NDUFS1: variants seen among roughly 807,000 people sequenced by gnomAD.
NDUFS1 encodes NADH-ubiquinone oxidoreductase 75 kDa subunit, mitochondrial.
In NDUFS1, 61 loss-of-function variants were observed where a neutral mutation model predicts 84.4. The observed-to-expected ratio is 0.72, with a 90% confidence interval of 0.59 to 0.89. The LOEUF is 0.89. Among genes scored for constraint, NDUFS1 ranks in the 40% least tolerant of loss-of-function variants. The probability of loss-of-function intolerance (pLI) is 0.00; values close to 1 mark genes in which losing one functional copy is unlikely to be tolerated. For missense variants in NDUFS1, 891 were observed against 890.0 expected, an observed-to-expected ratio of 1.00 and a Z score of -0.01; for synonymous variants, 275 against 290.0, an observed-to-expected ratio of 0.95 and a Z score of 0.53.
chr2:206,133,944 C>T (rs1691611605), intron 13 of NDUFS1, among the ~76,000 whole-genome samples: 1 of 152,220 alleles, frequency 6.6e-6, no homozygotes. Context: ...TGTGCCACTG[C>T]ACTCCGTCTG....
chr2:206,154,952 G>T (rs1243307637), intron 1 of NDUFS1, among the ~76,000 whole-genome samples: 1 of 122,912 alleles, frequency 8.1e-6, no homozygotes, highest in African/African-American at 3.2e-5. Context: ...TTGAGATAGA[G>T]TCTTACTCTG....
At chr2:206,129,340 G>A (rs1331791477) in intron 15 of NDUFS1, among the ~76,000 whole-genome samples, 2 of 151,982 alleles carry the variant, frequency 1.3e-5, no homozygotes, top group Admixed American at 6.6e-5. Context: ...ATGGCTCATT[G>A]CAGCCTCAAA....
chr2:206,139,130 T>A lies in NDUFS1; in HGVS notation c.1263-516A>T, dbSNP rs866482655. On this transcript the variant is annotated intron_variant, in intron 12 of 18. Coordinates refer to ENST00000233190, the MANE Select transcript of NDUFS1 (RefSeq NM_005006.7). ...AAACTCCACCTCAAAATAAAAAATT[T>A]AAAAAAAAAAAAAAGAAAGAAATGC... Among the ~76,000 whole-genome samples the A allele has an allele frequency of 6.9e-3, 953 of 137,872 alleles. 3 individuals carry two copies. The highest frequency in any genetic ancestry group is 0.013 in the African/African-American group (508 of 37,940). The allele number at this position is 137,872 out of a possible 152,430, so 90.4% of individuals were successfully genotyped here.
chr2:206,138,730 AC>A, intron 12 of NDUFS1, 116 bp from the exon 13 acceptor site: 1 of 1,132,572 alleles, frequency 8.8e-7, no homozygotes, highest in Non-Finnish European at 1.3e-6. Context: ...CACAGACAAT[AC>A]ATTTAACAGA....
rs561017095 is a variant in NDUFS1 at position 206,116,183 on chromosome 2, C to T, written c.*8002G>A. The T allele has an allele frequency of 3.2e-5, 49 of 1,526,346 alleles. No individual in the cohort carries two copies. In the South Asian group the frequency reaches 5.2e-4, roughly 16 times the overall value. 94.6% of individuals were successfully genotyped at this position (1,526,346 alleles called of 1,614,324 possible). ...AAGTTCATCTAGTTATGAAGGGTTA[C>T]TCAGTGTCATCTTGATCAGCCAACC... On this transcript the variant is annotated 3_prime_UTR_variant, in exon 19 of 19. Coordinates refer to ENST00000233190, the MANE Select transcript of NDUFS1 (RefSeq NM_005006.7).
intron 4 of NDUFS1, 110 bp from the exon 5 acceptor site, chr2:206,149,206 A>G (rs1692277087): frequency 3.6e-6 from 3 of 828,806 alleles, no homozygotes; most frequent in African/African-American, 3.4e-5. Flanking sequence ...TATACATTTG[A>G]TAACAGGCAA....
chr2:206,121,890 T>C lies in NDUFS1; in HGVS notation c.*2295A>G, dbSNP rs1412918048. The stretch of plus-strand genomic sequence containing the variant: ...TTCTCTTACCCACAACCATATGAAG[T>C]CTACACATATTCATTAACAGTATTA... On this transcript the variant is annotated 3_prime_UTR_variant, in exon 19 of 19. Transcript: ENST00000233190. 2.6e-5 allele frequency: 4 copies of C among 152,148 alleles called. No homozygotes were observed. Among genetic ancestry groups the C allele is most frequent in the African/African-American group, 9.7e-5 (4 of 41,428 alleles). The allele number at this position is 152,148 out of a possible 1,614,324, so 9.4% of individuals were successfully genotyped here. A position where few individuals can be genotyped will look rare whatever the true frequency, so the allele number is the denominator to read the frequency against.
intron 14 of NDUFS1, 133 bp from the exon 15 acceptor site, chr2:206,130,375 G>A (rs975467015): frequency 1.9e-5 from 22 of 1,182,652 alleles, no homozygotes; most frequent in South Asian, 1.1e-4. Context: ...TTTTCTCGGC[G>A]ATAGAGTCTC....
At chr2:206,137,234 G>A (rs892322356) in intron 13 of NDUFS1, among the ~76,000 whole-genome samples, 4 of 152,132 alleles carry the variant, frequency 2.6e-5, no homozygotes, top group Non-Finnish European at 5.9e-5. Flanking sequence ...CCAGCACTTT[G>A]GGAGGCCAAG....
Position 206,114,940 on chromosome 2 carries a change from A to G in NDUFS1, c.*9245T>C, listed in dbSNP as rs567673027. On this transcript the variant is annotated 3_prime_UTR_variant, in exon 19 of 19. Transcript: ENST00000233190. Reference sequence around the variant, plus strand: ...TTATGTCCTTAATACATTCTGAAGCACTTTCCATATCAGCACGTTGAGATC... The same window carrying G: ...TTATGTCCTTAATACATTCTGAAGCGCTTTCCATATCAGCACGTTGAGATC... 6 of 152,318 alleles carry G rather than the reference A, an allele frequency of 3.9e-5. No homozygotes were observed. The South Asian group carries it at 1.2e-3, about 32-fold the overall frequency. The allele number at this position is 152,318 out of a possible 1,614,324, so 9.4% of individuals were successfully genotyped here. A position where few individuals can be genotyped will look rare whatever the true frequency, so the allele number is the denominator to read the frequency against.
At chr2:206,140,999 C>T (rs2105965230) in intron 12 of NDUFS1, among the ~76,000 whole-genome samples, 1 of 149,138 alleles carries the variant, frequency 6.7e-6, no homozygotes, top group South Asian at 2.1e-4. Context: ...ATCAGTTAAT[C>T]TATGTGAACA....
intron 12 of NDUFS1, among the ~76,000 whole-genome samples, chr2:206,140,943 T>TATATACACACACACACACAC (rs367723817): frequency 0.1 from 13,480 of 135,354 alleles, 736 homozygotes; most frequent in Middle Eastern, 0.15. Context: ...TATATATATA[T>TATATACACACACACACACAC]ACACACACAC....
chr2:206,144,193 G>A, intron 9 of NDUFS1, 61 bp from the exon 10 acceptor site: 1 of 1,273,862 alleles, frequency 7.9e-7, no homozygotes, highest in Non-Finnish European at 1.1e-6. Flanking sequence ...TAATTTTCAA[G>A]TTAAATCAAC....
chr2:206,126,984 G>A lies in NDUFS1; in HGVS notation c.1885-140C>T, dbSNP rs1575944974. 7 of 1,028,448 alleles carry A rather than the reference G, an allele frequency of 6.8e-6. No homozygotes were observed. The East Asian group carries it at 1.8e-4, about 27-fold the overall frequency. 63.7% of individuals were successfully genotyped at this position (1,028,448 alleles called of 1,614,324 possible). A position where few individuals can be genotyped will look rare whatever the true frequency, so the allele number is the denominator to read the frequency against. On this transcript the variant is annotated intron_variant, in intron 16 of 18. Coordinates refer to ENST00000233190, the MANE Select transcript of NDUFS1 (RefSeq NM_005006.7). ...TGTCCATTAGTAGACATACATTTAT[G>A]AAGGAAGCAGTTAAGCAGGGAACAC... is the stretch of plus-strand genomic sequence containing the variant.
intron 9 of NDUFS1, 45 bp from the exon 10 acceptor site, chr2:206,144,177 T>A: frequency 7.1e-7 from 1 of 1,413,914 alleles, no homozygotes; most frequent in Non-Finnish European, 1.0e-6. Flanking sequence ...GCTAAAGAAG[T>A]AACTATAATT....
rs1690945202 is a variant in NDUFS1 at position 206,116,459 on chromosome 2, G to A, written c.*7726C>T. On this transcript the variant is annotated 3_prime_UTR_variant, in exon 19 of 19. Coordinates refer to ENST00000233190, the MANE Select transcript of NDUFS1 (RefSeq NM_005006.7). ...CAGGTGCCAGGACCACGTGCAGGCT[G>A]CAGAGCACGGCCCGCACGCTCCGCA... 1 of 1,071,088 alleles carries A rather than the reference G, an allele frequency of 9.3e-7. No individual in the cohort carries two copies. The highest frequency in any genetic ancestry group is 1.4e-6 in the Non-Finnish European group (1 of 722,128). 66.3% of individuals were successfully genotyped at this position (1,071,088 alleles called of 1,614,324 possible).
At chr2:206,124,484 C>T (rs539803684) in intron 18 of NDUFS1, among the ~76,000 whole-genome samples, 1 of 152,164 alleles carries the variant, frequency 6.6e-6, no homozygotes. Context: ...AATCAAATAA[C>T]TATAGAGCAG....
At chr2:206,140,943 T>TATATACACACACAC (rs367723817) in intron 12 of NDUFS1, among the ~76,000 whole-genome samples, 4,444 of 135,974 alleles carry the variant, frequency 0.033, 145 homozygotes, top group African/African-American at 0.078. Flanking sequence ...TATATATATA[T>TATATACACACACAC]ACACACACAC....
At position 206,117,507 on chromosome 2, in the gene NDUFS1, T is replaced by C. The variant is rs532173669; in HGVS notation, c.*6678A>G. ...TAGAGCGCAGTGGCGCGATCTGGGA[T>C]CACTGCAACCTCCGCCTCCCAGGTT... On this transcript the variant is annotated 3_prime_UTR_variant, in exon 19 of 19. Transcript: ENST00000233190. 3.9e-4 allele frequency: 59 copies of C among 152,386 alleles called. No homozygotes were observed. Among genetic ancestry groups the C allele is most frequent in the African/African-American group, 1.3e-3 (56 of 41,588 alleles). The allele number at this position is 152,386 out of a possible 1,614,324, so 9.4% of individuals were successfully genotyped here.
Sources: allele counts gnomAD v4.1 joint callset (sites outside exome capture counted in the v4.1 genomes callset), GRCh38; gene constraint gnomAD v4.1.1; transcripts MANE v1.5; gene names NCBI Gene and HGNC (gene_info 2026-07-23, HGNC 2026-07-21).